Variants in HYDIN observed in about 807,000 individuals in gnomAD.
The protein encoded by HYDIN is HYDIN axonemal central pair apparatus protein.
A neutral mutation model predicts 403.9 loss-of-function variants in HYDIN; 132 were observed. That is an observed-to-expected ratio of 0.33 (90% CI 0.28 to 0.38). HYDIN has a LOEUF of 0.38. Ranked by LOEUF, HYDIN falls within the 10% of genes least tolerant of loss-of-function variation. The pLI is 1.00. For missense variants in HYDIN, 2,827 were observed against 5,009.5 expected (o/e 0.56, Z 13.15); for synonymous variants, 1,202 against 1,891.7 (o/e 0.64, Z 9.46).
chr16:71,220,122 G>T (rs967809257), intron 1 of HYDIN, among the ~76,000 whole-genome samples: 2 of 151,916 alleles, frequency 1.3e-5, no homozygotes, highest in Non-Finnish European at 2.9e-5. Flanking sequence ...ACACATCCAG[G>T]GTCAAAAATC....
At chr16:70,949,822 TTG>T (rs2078005676) in intron 41 of HYDIN, among the ~76,000 whole-genome samples, 1 of 152,298 alleles carries the variant, frequency 6.6e-6, no homozygotes, top group African/African-American at 2.4e-5. Context: ...TGAAAGGAGT[TTG>T]GAGTCAGAAT....
At chr16:70,976,586 A>G (rs1329187970) in intron 30 of HYDIN, among the ~76,000 whole-genome samples, 10 of 150,768 alleles carry the variant, frequency 6.6e-5, no homozygotes, top group African/African-American at 2.4e-4. Flanking sequence ...ACAAATGTCA[A>G]TTTCATGGAT....
At chr16:70,830,629 G>C (rs12051319) in intron 80 of HYDIN, among the ~76,000 whole-genome samples, 1 of 146,832 alleles carries the variant, frequency 6.8e-6, no homozygotes, top group East Asian at 2.1e-4. Flanking sequence ...AGGTGGCACT[G>C]GTAGCACTGG....
chr16:71,134,746 C>A (rs1319737818), intron 8 of HYDIN, among the ~76,000 whole-genome samples: 1 of 152,144 alleles, frequency 6.6e-6, no homozygotes, highest in African/African-American at 2.4e-5. Context: ...AGAGGTTGGG[C>A]ATTTCATGAC....
chr16:71,222,358 G>A (rs1417812550), intron 1 of HYDIN, among the ~76,000 whole-genome samples: 3 of 151,916 alleles, frequency 2.0e-5, no homozygotes, highest in South Asian at 2.1e-4. Flanking sequence ...AGCCATATAC[G>A]ACAAACCCAC....
rs2035070763 is a variant in HYDIN at position 70,805,523 on chromosome 16, T to C, written c.*2057A>G. On this transcript the variant is annotated 3_prime_UTR_variant, in exon 86 of 86. Transcript: ENST00000393567. ...ATTCTCAAGCCCCACCCAAATCTCC[T>C]AGATCGGACTTCCTGAGGGTGGGGC... 6.6e-6 allele frequency among the ~76,000 whole-genome samples: 1 copy of C among 152,120 alleles called. No homozygotes were observed. The highest frequency in any genetic ancestry group is 2.4e-5 in the African/African-American group (1 of 41,420).
intron 18 of HYDIN, among the ~76,000 whole-genome samples, chr16:71,038,125 T>C (rs1452407532): frequency 7.2e-5 from 11 of 152,238 alleles, no homozygotes; most frequent in Non-Finnish European, 1.5e-4. Context: ...ACAGGAGGTA[T>C]GTGCATGCCT....
chr16:71,012,847 C>CT (rs35998725), intron 23 of HYDIN, among the ~76,000 whole-genome samples: 3,239 of 125,694 alleles, frequency 0.026, 77 homozygotes, highest in African/African-American at 0.08. Flanking sequence ...AACCAGGTGG[C>CT]TTTTTTTTTT....
intron 17 of HYDIN, among the ~76,000 whole-genome samples, 162 bp downstream of exon 17, chr16:71,062,007 A>G (rs558120647): frequency 6.6e-6 from 1 of 152,332 alleles, no homozygotes; most frequent in East Asian, 1.9e-4. Flanking sequence ...GTAAAGTCAC[A>G]TAGCACCGGT....
intron 50 of HYDIN, among the ~76,000 whole-genome samples, chr16:70,905,016 G>A (rs1398118038): frequency 2.6e-5 from 4 of 152,116 alleles, no homozygotes; most frequent in South Asian, 2.1e-4. Flanking sequence ...GTAACTGAGC[G>A]AAGCAAACCA....
chr16:71,203,678 T>A, intron 1 of HYDIN: 1 of 452,890 alleles, frequency 2.2e-6, no homozygotes, highest in Admixed American at 2.4e-5. Flanking sequence ...CATACACAAA[T>A]TATTCTATTC....
In HYDIN at chr16:70,810,099, G is replaced by A. The variant is rs116423471; in HGVS notation, c.14659-92C>T. 5,001 of 1,203,516 alleles carry A rather than the reference G, an allele frequency of 4.2e-3. 186 individuals carry two copies. In the African/African-American group the frequency reaches 0.068, roughly 16 times the overall value. 74.6% of individuals were successfully genotyped at this position (1,203,516 alleles called of 1,614,324 possible). A position where few individuals can be genotyped will look rare whatever the true frequency, so the allele number is the denominator to read the frequency against. On this transcript the variant is annotated intron_variant, in intron 84 of 85. Transcript: ENST00000393567. ...TGCCCAAGGCTCCATAGCAGGTTGG[G>A]GGCAGAAATAGTGCACATGATCATG...
chr16:71,182,356 T>C (rs1214713711), intron 3 of HYDIN, among the ~76,000 whole-genome samples: 1 of 152,068 alleles, frequency 6.6e-6, no homozygotes, highest in Non-Finnish European at 1.5e-5. Context: ...GAGAACGAGA[T>C]GGAAGCAGGG....
intron 1 of HYDIN, among the ~76,000 whole-genome samples, chr16:71,205,251 A>G (rs981277546): frequency 6.6e-6 from 1 of 152,248 alleles, no homozygotes; most frequent in Admixed American, 6.5e-5. Flanking sequence ...GGGATGCATC[A>G]GGGCAACAGG....
Position 71,186,883 on chromosome 16 carries a change from T to C in HYDIN, c.13A>G (p.Arg5Gly). The C allele has an allele frequency of 6.2e-7, 1 of 1,609,414 alleles. No individual in the cohort carries two copies. The highest frequency in any genetic ancestry group is 8.5e-7 in the Non-Finnish European group (1 of 1,177,994). MTSR[R>G]LEESMGAVQM... ...ACAGCCCCCATGGACTCCTCAAGTC[T>C]TCTACTTGTCATTTTTAGTAATTTT... Residue 5 changes from arginine to glycine, a missense_variant, in exon 2 of 86, where the codon AGA (arginine) becomes GGA (glycine). Coordinates refer to ENST00000393567, the MANE Select transcript of HYDIN (RefSeq NM_001270974.2).
intron 12 of HYDIN, among the ~76,000 whole-genome samples, chr16:71,087,172 C>G (rs1467403970): frequency 6.6e-6 from 1 of 152,076 alleles, no homozygotes; most frequent in African/African-American, 2.4e-5. Context: ...GCCACAGAAC[C>G]CTTGAGGCAC....
At chr16:70,880,614 G>T (rs150205250) in intron 60 of HYDIN, among the ~76,000 whole-genome samples, 2 of 152,200 alleles carry the variant, frequency 1.3e-5, no homozygotes, top group Non-Finnish European at 2.9e-5. Flanking sequence ...GCCTTGCTTT[G>T]TCTGGGTTAA....
intron 1 of HYDIN, among the ~76,000 whole-genome samples, chr16:71,197,742 TTC>T (rs2087775024): frequency 6.6e-6 from 1 of 151,830 alleles, no homozygotes; most frequent in Non-Finnish European, 1.5e-5. Context: ...CTTGATTTGA[TTC>T]TCTTTGTTTG....
In HYDIN at chr16:70,807,623, G is replaced by A. The variant is rs764357939; in HGVS notation, c.15323C>T (p.Thr5108Ile). 3 of 1,613,962 alleles carry A rather than the reference G, an allele frequency of 1.9e-6. No homozygotes were observed. The highest frequency in any genetic ancestry group is 2.2e-5 in the East Asian group (1 of 44,890). The change falls in exon 86 of 86, where the codon ACT becomes ATT. Residue 5108 changes from threonine to isoleucine, a missense_variant. Physicochemically the swap from Thr to Ile is moderately conservative, Grantham distance 89. Coordinates refer to ENST00000393567, the MANE Select transcript of HYDIN (RefSeq NM_001270974.2). ...CAGATAATAAACCCATTTAACTCCA[G>A]TCTCACTCCCTTCACCAGGAGGGCA... The part of the protein sequence containing the change: ...VSCPPGEGSE[T>I]GVKWVYYLKG...
Sources: allele counts gnomAD v4.1 joint callset (sites outside exome capture counted in the v4.1 genomes callset), GRCh38; gene constraint gnomAD v4.1.1; transcripts MANE v1.5; gene names NCBI Gene and HGNC (gene_info 2026-07-23, HGNC 2026-07-21).